CADPS: variants seen among roughly 807,000 people sequenced by gnomAD.
The protein encoded by CADPS is calcium dependent secretion activator, also known as calcium-dependent secretion activator 1.
In CADPS, 57 loss-of-function variants were observed where a neutral mutation model predicts 167.3. The observed-to-expected ratio is 0.34, with a 90% CI of 0.28 to 0.42. The LOEUF is 0.42. Among genes scored for constraint, CADPS ranks in the 20% least tolerant of loss-of-function variants. The pLI, the probability that CADPS is intolerant of heterozygous loss-of-function variation, is 1.00. For synonymous variants in CADPS, 676 were observed against 635.3 expected, an observed-to-expected ratio of 1.06 and a Z score of -0.96; for missense variants, 1,414 against 1,738.1, an observed-to-expected ratio of 0.81 and a Z score of 3.32.
In CADPS at chr3:62,760,375, C is replaced by T. The variant is rs114241618; in HGVS notation, c.555+5496G>A. 6.0e-3 allele frequency among the ~76,000 whole-genome samples: 916 copies of T among 152,176 alleles called. 10 individuals are homozygous for T. Among genetic ancestry groups the T allele is most frequent in the East Asian group, 0.045 (231 of 5,162 alleles). On this transcript the variant is annotated intron_variant, in intron 2 of 29. Transcript: ENST00000383710. ...TGTGTAACAGGACTAGAACTCAACC[C>T]ACCTCTGTCGGACACAATTTTTATT...
rs2083056699 is a variant in CADPS at position 62,753,095 on chromosome 3, C to A, written c.888+346G>T. 6.6e-6 allele frequency among the ~76,000 whole-genome samples: 1 copy of A among 152,198 alleles called. No individual in the cohort carries two copies. ...AAGCACAAGCCCTTCAACTGGCAAA[C>A]ACCAAAGGCAGAACCATATTTTTTA... On this transcript the variant is annotated intron_variant, in intron 3 of 29. Transcript: ENST00000383710. The surrounding 1 kb of genome is among the most constrained non-coding windows in gnomAD (Gnocchi z 4.6).
At chr3:62,569,294 G>C (rs2152440200) in intron 9 of CADPS, among the ~76,000 whole-genome samples, 1 of 152,194 alleles carries the variant, frequency 6.6e-6, no homozygotes, top group South Asian at 2.1e-4. Flanking sequence ...TAGAGACAGG[G>C]TTTCACCATG....
intron 26 of CADPS, among the ~76,000 whole-genome samples, chr3:62,462,594 G>A (rs1192015752): frequency 6.6e-6 from 1 of 152,214 alleles, no homozygotes; most frequent in Non-Finnish European, 1.5e-5. Context: ...TGGGGACGTG[G>A]TAAGTGCACA....
At chr3:62,494,182 G>T (rs2064224558) in intron 18 of CADPS, among the ~76,000 whole-genome samples, 1 of 152,130 alleles carries the variant, frequency 6.6e-6, no homozygotes, top group Non-Finnish European at 1.5e-5. Flanking sequence ...CAATATTTGG[G>T]TCTGAACCGA....
chr3:62,779,251 G>C (rs2091067382), intron 1 of CADPS: 4 of 331,074 alleles, frequency 1.2e-5, no homozygotes. Context: ...TTCCAAAGGA[G>C]GTACTGCCTT....
At chr3:62,582,188 G>A (rs144601026) in intron 8 of CADPS, among the ~76,000 whole-genome samples, 2 of 152,332 alleles carry the variant, frequency 1.3e-5, no homozygotes, top group East Asian at 3.9e-4. Flanking sequence ...GCTCATGCCT[G>A]TAATCCCAGA....
intron 28 of CADPS, among the ~76,000 whole-genome samples, chr3:62,413,223 C>T (rs1369623077): frequency 6.6e-6 from 1 of 152,132 alleles, no homozygotes; most frequent in African/African-American, 2.4e-5. Flanking sequence ...TTCCGGTTTC[C>T]ACAACCTGAG....
intron 26 of CADPS, among the ~76,000 whole-genome samples, chr3:62,457,294 ATCTG>A: frequency 6.6e-6 from 1 of 152,220 alleles, no homozygotes; most frequent in East Asian, 1.9e-4. Context: ...AGATTAATCA[ATCTG>A]TCTAAGATTA....
intron 6 of CADPS, among the ~76,000 whole-genome samples, chr3:62,619,142 T>C (rs991634881): frequency 3.9e-5 from 6 of 152,224 alleles, no homozygotes; most frequent in Non-Finnish European, 7.3e-5. Context: ...ACTAAGATTG[T>C]ATGGCTTGCA....
In CADPS at chr3:62,621,321, C is replaced by T. The variant is rs112662981; in HGVS notation, c.1325+24401G>A. ...AAGCTGCTTGGAGGAAGTTGAGTTG[C>T]GTGTGTCCCTGTGGCAGATCAGAAC... On this transcript the variant is annotated intron_variant, in intron 6 of 29. Transcript: ENST00000383710. Among the ~76,000 whole-genome samples the T allele has an allele frequency of 9.9e-3, 1,507 of 151,952 alleles. 30 individuals are homozygous for T. The highest frequency in any genetic ancestry group is 0.034 in the African/African-American group (1,414 of 41,432).
At chr3:62,538,386 A>G (rs930029757) in intron 11 of CADPS, among the ~76,000 whole-genome samples, 2 of 152,084 alleles carry the variant, frequency 1.3e-5, no homozygotes, top group African/African-American at 4.8e-5. Context: ...CACTCCTGCA[A>G]TCCAGGTGAC....
intron 6 of CADPS, among the ~76,000 whole-genome samples, chr3:62,620,474 A>G (rs944827939): frequency 1.3e-5 from 2 of 152,168 alleles, no homozygotes; most frequent in Non-Finnish European, 2.9e-5. Flanking sequence ...TTTACTGAAC[A>G]CTTAATATAC....
chr3:62,675,493 T>C (rs1563701293), intron 3 of CADPS, among the ~76,000 whole-genome samples: 2 of 152,076 alleles, frequency 1.3e-5, no homozygotes, highest in South Asian at 2.1e-4. Flanking sequence ...TTAATTTGCA[T>C]TGTGAAAGGC....
intron 28 of CADPS, among the ~76,000 whole-genome samples, chr3:62,405,670 A>T (rs944397826): frequency 5.9e-5 from 9 of 152,174 alleles, no homozygotes; most frequent in African/African-American, 1.9e-4. Flanking sequence ...ACCCCAGGAG[A>T]ACAAGAAAGC....
At chr3:62,685,685 G>A (rs1158778159) in intron 3 of CADPS, among the ~76,000 whole-genome samples, 1 of 122,218 alleles carries the variant, frequency 8.2e-6, no homozygotes, top group African/African-American at 3.1e-5. Flanking sequence ...TTTTCATCGG[G>A]GGGGTGGGGG....
chr3:62,729,668 C>T (rs542816), intron 3 of CADPS, among the ~76,000 whole-genome samples: 34,448 of 151,762 alleles, frequency 0.23, 4,421 homozygotes, highest in African/African-American at 0.31. Context: ...TTGTCTGATA[C>T]ATAATAAGCA....
At chr3:62,686,799 C>T (rs1295534198) in intron 3 of CADPS, among the ~76,000 whole-genome samples, 1 of 152,082 alleles carries the variant, frequency 6.6e-6, no homozygotes, top group African/African-American at 2.4e-5. Context: ...TTTTATTTAA[C>T]ATTATGCATT....
chr3:62,509,440 A>T (rs1250758332), intron 17 of CADPS, among the ~76,000 whole-genome samples: 1 of 152,070 alleles, frequency 6.6e-6, no homozygotes, highest in Non-Finnish European at 1.5e-5. Context: ...CCCTTGTGGA[A>T]GACAGTGGGG....
intron 13 of CADPS, chr3:62,530,727 C>T: frequency 7.8e-7 from 1 of 1,288,916 alleles, no homozygotes; most frequent in Non-Finnish European, 1.0e-6. Flanking sequence ...TCTTTTTTAG[C>T]TTCTGGTTCA....
Sources: gnomAD v4.1 joint callset for allele counts (sites outside exome capture counted in the v4.1 genomes callset) on GRCh38, gnomAD v4.1.1 for gene constraint, Gnocchi (gnomAD v3.1) non-coding constraint, MANE v1.5 for transcripts, NCBI Gene and HGNC (gene_info 2026-07-23, HGNC 2026-07-21) for gene names.